The following AKAP9 variants were observed in gnomAD, a reference collection of about 807,000 sequenced individuals.
AKAP9 encodes A-kinase anchor protein 9.
AKAP9 carries 311 observed loss-of-function variants against 488.5 expected under a neutral mutation model. The observed-to-expected ratio is 0.64, with a 90% CI of 0.58 to 0.70. The LOEUF (loss-of-function observed/expected upper bound fraction) is 0.70, where lower values mean the gene tolerates loss of function less well. Among genes scored for constraint, AKAP9 ranks in the 30% least tolerant of loss-of-function variants. AKAP9 has a pLI of 0.00. For missense variants in AKAP9, 4,215 were observed against 4,374.5 expected (o/e 0.96, Z 1.03); for synonymous variants, 1,462 against 1,483.5 (o/e 0.99, Z 0.33).
rs751625334 is a variant in AKAP9, at chr7:92,084,681, G to A, written c.8688G>A (p.Gln2896=). ...AGCTAGCACATTCTGATGCTTACCA[G>A]ACTAGAGAAATATGCTCCAGTGGTA... is the stretch of plus-strand genomic sequence containing the variant. ...IPELAHSDAY[Q]TREICSSDSG... Residue 2896 remains glutamine (Q), a synonymous_variant, in exon 34 of 50, where the codon CAG becomes CAA. Transcript: ENST00000356239. The A allele has an allele frequency of 1.1e-5, 17 of 1,610,110 alleles. No homozygotes were observed. Among genetic ancestry groups the A allele is most frequent in the African/African-American group, 1.3e-5 (1 of 74,804 alleles).
intron 12 of AKAP9, among the ~76,000 whole-genome samples, chr7:92,017,335 A>T (rs1306375731): frequency 6.6e-6 from 1 of 152,130 alleles, no homozygotes; most frequent in East Asian, 1.9e-4. Context: ...GTTAAAATAT[A>T]TATATCAACT....
intron 6 of AKAP9, among the ~76,000 whole-genome samples, 155 bp downstream of exon 6, chr7:91,994,931 A>G (rs1280312885): frequency 6.6e-6 from 1 of 152,170 alleles, no homozygotes; most frequent in African/African-American, 2.4e-5. Flanking sequence ...TTAACCAGGA[A>G]TTTAATTCAT....
At chr7:92,093,974 C>A (rs1816091913) in intron 39 of AKAP9, among the ~76,000 whole-genome samples, 1 of 151,958 alleles carries the variant, frequency 6.6e-6, no homozygotes, top group South Asian at 2.1e-4. Context: ...CCTCAGCCTT[C>A]TGAGTAGCTG....
chr7:92,067,341 T>G (rs1810933635), intron 26 of AKAP9, among the ~76,000 whole-genome samples: 1 of 152,236 alleles, frequency 6.6e-6, no homozygotes, highest in African/African-American at 2.4e-5. Flanking sequence ...TCTTGATTCC[T>G]GATTAGCCAC....
intron 12 of AKAP9, among the ~76,000 whole-genome samples, chr7:92,021,061 G>A (rs1366213798): frequency 6.6e-6 from 1 of 152,012 alleles, no homozygotes; most frequent in Non-Finnish European, 1.5e-5. Flanking sequence ...CCCTCCTCAA[G>A]AAGATCATTG....
At chr7:92,102,878 A>T (rs768996588) in intron 46 of AKAP9, 52 bp downstream of exon 46, 2 of 1,464,486 alleles carry the variant, frequency 1.4e-6, no homozygotes, top group African/African-American at 2.8e-5. Flanking sequence ...TAAAAGGATT[A>T]GTTATTTTTA....
intron 27 of AKAP9, 53 bp from the exon 28 acceptor site, chr7:92,070,852 G>T: frequency 1.6e-6 from 2 of 1,264,778 alleles, no homozygotes; most frequent in Non-Finnish European, 2.2e-6. Context: ...AAAAAAACTG[G>T]ATAATCAGGA....
In AKAP9 at chr7:92,037,000, A is replaced by G. The variant is rs550045622; in HGVS notation, c.4339-1419A>G. Reference sequence around the variant, plus strand: ...TATCTGGGAAGAAACAGAATGGCATATAATGTTTAAGGTGCTTGAGCTCTG... The same window carrying G: ...TATCTGGGAAGAAACAGAATGGCATGTAATGTTTAAGGTGCTTGAGCTCTG... On this transcript the variant is annotated intron_variant, in intron 16 of 49. Transcript: ENST00000356239. Among the ~76,000 whole-genome samples, 4 of 152,304 alleles carry G rather than the reference A, an allele frequency of 2.6e-5. No individual in the cohort carries two copies. In the South Asian group the frequency reaches 8.3e-4, roughly 32 times the overall value.
intron 12 of AKAP9, among the ~76,000 whole-genome samples, chr7:92,017,651 G>C (rs2130717825): frequency 6.6e-6 from 1 of 152,302 alleles, no homozygotes; most frequent in Admixed American, 6.5e-5. Context: ...AAAGATGTCT[G>C]TGTCTATTTA....
chr7:92,064,438 C>T (rs1451841401), intron 24 of AKAP9, among the ~76,000 whole-genome samples: 1 of 152,096 alleles, frequency 6.6e-6, no homozygotes, highest in Non-Finnish European at 1.5e-5. Context: ...TACCATACCT[C>T]AGACACTCTT....
rs147141457 is a variant in AKAP9 at position 92,089,224 on chromosome 7, C to T, written c.9214-161C>T. 3.9e-5 allele frequency among the ~76,000 whole-genome samples: 6 copies of T among 152,194 alleles called. No individual in the cohort carries two copies. In the East Asian group the frequency reaches 1.2e-3, roughly 29 times the overall value. ...TTAGAGGTAAATGAGCATTTGTCTGCAGCATATCCTCATACATTTTGGAAA... is the reference window on the plus strand; with the variant it reads ...TTAGAGGTAAATGAGCATTTGTCTGTAGCATATCCTCATACATTTTGGAAA... On this transcript the variant is annotated intron_variant, in intron 37 of 49. Transcript: ENST00000356239.
In AKAP9 at chr7:92,082,558, G is replaced by A. The variant is rs1207633245; in HGVS notation, c.8056G>A (p.Gly2686Arg). Reference sequence around the variant, plus strand: ...GCTATTTCATAGCAATGAAGAAAGTGGATTTTTTAATGAACTCGAGGCTCT... The same window carrying A: ...GCTATTTCATAGCAATGAAGAAAGTAGATTTTTTAATGAACTCGAGGCTCT... ...TELFHSNEES[G>R]FFNELEALRA... is the part of the protein sequence containing the mutation. Residue 2686 changes from glycine to arginine, a missense_variant, in exon 32 of 50, where the codon GGA becomes AGA. Gly to Arg is a moderately radical substitution (Grantham distance 125). Transcript: ENST00000356239. 1.2e-6 allele frequency: 2 copies of A among 1,613,656 alleles called. No individual in the cohort carries two copies. The highest frequency in any genetic ancestry group is 2.7e-5 in the African/African-American group (2 of 74,874).
intron 1 of AKAP9, among the ~76,000 whole-genome samples, chr7:91,961,769 G>T (rs1216528934): frequency 6.6e-6 from 1 of 151,886 alleles, no homozygotes; most frequent in Non-Finnish European, 1.5e-5. Context: ...GCGTGAACTG[G>T]GGAGGCAGAG....
intron 8 of AKAP9, among the ~76,000 whole-genome samples, chr7:92,005,792 A>G (rs552995744): frequency 1.9e-4 from 28 of 150,274 alleles, no homozygotes; most frequent in Admixed American, 1.2e-3. Context: ...CAGCCTCCTG[A>G]GTAGCTGGGA....
intron 20 of AKAP9, chr7:92,043,252 C>T (rs1417363123): frequency 3.8e-6 from 3 of 793,134 alleles, no homozygotes; most frequent in Non-Finnish European, 4.6e-6. Context: ...ACTGTCAACC[C>T]TCTTGTGTCC....
At position 92,032,985 on chromosome 7, in the gene AKAP9, TGTTG is replaced by T. The variant is rs555855477; in HGVS notation, c.4338+1382_4338+1385del. ...AACTTGTGAATCTCAGCGTTTTATA[TGTTG>T]AAAGAGGAAATTGGCTTAGTAGCAA... On this transcript the variant is annotated intron_variant, in intron 16 of 49. Coordinates refer to ENST00000356239, the MANE Select transcript of AKAP9 (RefSeq NM_005751.5). Among the ~76,000 whole-genome samples the T allele has an allele frequency of 3.7e-3, 558 of 152,310 alleles. 1 individual carries two copies. Among genetic ancestry groups the T allele is most frequent in the Non-Finnish European group, 5.8e-3 (393 of 68,028 alleles).
chr7:92,032,348 T>A (rs1332545055), intron 16 of AKAP9, among the ~76,000 whole-genome samples: 1 of 151,998 alleles, frequency 6.6e-6, no homozygotes, highest in African/African-American at 2.4e-5. Context: ...AATACAAAAT[T>A]AGCCGGGCGT....
intron 10 of AKAP9, among the ~76,000 whole-genome samples, chr7:92,015,433 C>T (rs904933406): frequency 6.7e-6 from 1 of 150,196 alleles, no homozygotes; most frequent in Non-Finnish European, 1.5e-5. Flanking sequence ...GGCACAATCT[C>T]GGTTCACTGT....
intron 22 of AKAP9, among the ~76,000 whole-genome samples, chr7:92,056,543 G>A (rs1035064234): frequency 2.7e-5 from 4 of 150,584 alleles, no homozygotes; most frequent in Admixed American, 1.3e-4. Context: ...CTGTGAACGT[G>A]CTTTGTTAAG....
Sources: allele counts gnomAD v4.1 joint callset (sites outside exome capture counted in the v4.1 genomes callset), GRCh38; gene constraint gnomAD v4.1.1; transcripts MANE v1.5; gene names NCBI Gene and HGNC (gene_info 2026-07-23, HGNC 2026-07-21).